Variants in CACNB2 observed in about 807,000 individuals in gnomAD.
The protein encoded by CACNB2 is calcium voltage-gated channel auxiliary subunit beta 2, also known as voltage-dependent L-type calcium channel subunit beta-2.
Under a neutral mutation model 73.3 loss-of-function variants are expected in CACNB2, and 42 were observed. That is an observed-to-expected ratio of 0.57 (90% CI 0.45 to 0.74). CACNB2 has a LOEUF of 0.74. Ranked by LOEUF, CACNB2 falls within the 30% of genes least tolerant of loss-of-function variation. The pLI is 0.00. For missense variants in CACNB2, 940 were observed against 853.0 expected (o/e 1.10, Z -1.27); for synonymous variants, 348 against 310.3 (o/e 1.12, Z -1.28).
chr10:18,162,317 C>G (rs1015154481), intron 2 of CACNB2, among the ~76,000 whole-genome samples: 4 of 152,002 alleles, frequency 2.6e-5, no homozygotes, highest in Admixed American at 2.6e-4. Context: ...ATAAGGAGAG[C>G]TGAAGCAAGG....
intron 3 of CACNB2, among the ~76,000 whole-genome samples, chr10:18,493,340 G>A (rs1461501821): frequency 1.3e-5 from 2 of 152,108 alleles, no homozygotes; most frequent in Non-Finnish European, 2.9e-5. Context: ...GCTAATTTTT[G>A]TATTTTTAGT....
chr10:18,319,601 G>A (rs1382481021), intron 2 of CACNB2, among the ~76,000 whole-genome samples: 1 of 151,888 alleles, frequency 6.6e-6, no homozygotes, highest in Non-Finnish European at 1.5e-5. Context: ...GTATCCTGGA[G>A]CTTAATATTT....
At chr10:18,289,578 G>C (rs2038974249) in intron 2 of CACNB2, among the ~76,000 whole-genome samples, 1 of 152,038 alleles carries the variant, frequency 6.6e-6, no homozygotes, top group Admixed American at 6.6e-5. Flanking sequence ...ACAGGCATGA[G>C]CCACCGCGCC....
At chr10:18,434,272 A>G (rs2046027966) in intron 3 of CACNB2, among the ~76,000 whole-genome samples, 1 of 152,158 alleles carries the variant, frequency 6.6e-6, no homozygotes, top group Non-Finnish European at 1.5e-5. Flanking sequence ...TTTAGTCAGG[A>G]AGACAGAAAG....
intron 10 of CACNB2, among the ~76,000 whole-genome samples, chr10:18,528,697 A>G (rs2052714065): frequency 1.2e-5 from 1 of 82,736 alleles, no homozygotes; most frequent in African/African-American, 5.6e-5. Flanking sequence ...TTCGTTGGCA[A>G]AACTTCAGTA....
At chr10:18,159,978 A>G (rs1031354548) in intron 2 of CACNB2, among the ~76,000 whole-genome samples, 2 of 152,350 alleles carry the variant, frequency 1.3e-5, no homozygotes, top group African/African-American at 4.8e-5. Context: ...CATCTTAAAG[A>G]TATCAGTATA....
chr10:18,528,964 T>C (rs577211648), intron 10 of CACNB2, among the ~76,000 whole-genome samples: 1 of 152,250 alleles, frequency 6.6e-6, no homozygotes, highest in African/African-American at 2.4e-5. Flanking sequence ...CTCAGCCTCC[T>C]GAGTATCTGG....
chr10:18,313,471 ACCATG>A (rs1227217489), intron 2 of CACNB2, among the ~76,000 whole-genome samples: 1 of 151,676 alleles, frequency 6.6e-6, no homozygotes, highest in Non-Finnish European at 1.5e-5. Context: ...CCATTTTATA[ACCATG>A]CCAATTGCTG....
chr10:18,141,295 C>T, intron 1 of CACNB2: 2 of 1,244,574 alleles, frequency 1.6e-6, no homozygotes, highest in East Asian at 2.5e-5. Flanking sequence ...CGCTCCGAGC[C>T]GGGGTGGGCG....
chr10:18,523,145 C>A (rs1432560891), intron 9 of CACNB2, among the ~76,000 whole-genome samples: 1 of 152,150 alleles, frequency 6.6e-6, no homozygotes, highest in African/African-American at 2.4e-5. Context: ...CATAGCTCTA[C>A]TCTGCTCCAT....
At chr10:18,403,336 A>G (rs2044107797) in intron 3 of CACNB2, among the ~76,000 whole-genome samples, 1 of 152,266 alleles carries the variant, frequency 6.6e-6, no homozygotes, top group Non-Finnish European at 1.5e-5. Context: ...AATGTATGAC[A>G]GTCTGCATTG....
intron 2 of CACNB2, among the ~76,000 whole-genome samples, chr10:18,329,359 C>A (rs933523255): frequency 6.6e-6 from 1 of 152,130 alleles, no homozygotes; most frequent in South Asian, 2.1e-4. Flanking sequence ...CTTGCTTGTA[C>A]ATTCCAAAGT....
chr10:18,265,939 G>A (rs1334218911), intron 2 of CACNB2, among the ~76,000 whole-genome samples: 1 of 152,092 alleles, frequency 6.6e-6, no homozygotes, highest in Non-Finnish European at 1.5e-5. Context: ...ACTAGATACT[G>A]GAAGGTAATG....
intron 2 of CACNB2, among the ~76,000 whole-genome samples, chr10:18,226,169 G>A (rs151071480): frequency 0.074 from 11,288 of 151,992 alleles, 637 homozygotes; most frequent in African/African-American, 0.15. Flanking sequence ...TGGGACTACA[G>A]GTGTGTGCCA....
At chr10:18,218,428 A>T (rs777143240) in intron 2 of CACNB2, among the ~76,000 whole-genome samples, 1 of 152,226 alleles carries the variant, frequency 6.6e-6, no homozygotes, top group Non-Finnish European at 1.5e-5. Context: ...GAGACATTAA[A>T]TGTTCTTGGT....
intron 4 of CACNB2, among the ~76,000 whole-genome samples, chr10:18,499,319 C>G (rs527278784): frequency 6.6e-6 from 1 of 152,022 alleles, no homozygotes; most frequent in Admixed American, 6.6e-5. Flanking sequence ...TGATAACTGC[C>G]GATTAAAAGA....
chr10:18,228,547 A>G (rs1481449904), intron 2 of CACNB2, among the ~76,000 whole-genome samples: 2 of 151,932 alleles, frequency 1.3e-5, no homozygotes, highest in African/African-American at 4.8e-5. Context: ...ATAGTGAAGG[A>G]TGTATCCTCA....
intron 5 of CACNB2, among the ~76,000 whole-genome samples, chr10:18,501,574 G>C (rs12257556): frequency 1.3e-5 from 2 of 152,034 alleles, no homozygotes; most frequent in Non-Finnish European, 2.9e-5. Flanking sequence ...CACTAGAAAG[G>C]CTTCTCGTAG....
intron 2 of CACNB2, among the ~76,000 whole-genome samples, chr10:18,351,093 T>C (rs2041685986): frequency 6.6e-6 from 1 of 152,128 alleles, no homozygotes; most frequent in Admixed American, 6.5e-5. Context: ...CAGGAGAATG[T>C]ATATAAAAAC....
Sources: allele counts gnomAD v4.1 joint callset (sites outside exome capture counted in the v4.1 genomes callset), GRCh38; gene constraint gnomAD v4.1.1; transcripts MANE v1.5; gene names NCBI Gene and HGNC (gene_info 2026-07-23, HGNC 2026-07-21).